Variants in ARFIP1 observed in about 807,000 individuals in gnomAD.
ARFIP1 encodes arfaptin-1.
In ARFIP1, 24 loss-of-function variants were observed where a neutral mutation model predicts 42.5. The ratio of observed to expected loss-of-function variants is 0.57; its 90% CI spans 0.41 to 0.80. ARFIP1 has a LOEUF of 0.80. Ranked by LOEUF, ARFIP1 falls within the 30% of genes least tolerant of loss-of-function variation. ARFIP1 has a pLI of 0.00. For missense variants in ARFIP1, 354 were observed against 434.0 expected (o/e 0.82, Z 1.64); for synonymous variants, 141 against 153.7 (o/e 0.92, Z 0.61).
intron 8 of ARFIP1, among the ~76,000 whole-genome samples, chr4:152,908,684 T>C (rs1738575331): frequency 6.6e-6 from 1 of 152,170 alleles, no homozygotes; most frequent in East Asian, 1.9e-4. Context: ...TTATGGGTTT[T>C]ATAAGCCTTA....
intron 1 of ARFIP1, among the ~76,000 whole-genome samples, chr4:152,785,147 C>T (rs1214335096): frequency 1.3e-5 from 2 of 152,124 alleles, no homozygotes; most frequent in African/African-American, 2.4e-5. Flanking sequence ...ACAATTTCAG[C>T]ACATCTGTAA....
chr4:152,873,646 T>C (rs1735078765), intron 5 of ARFIP1, among the ~76,000 whole-genome samples: 1 of 152,212 alleles, frequency 6.6e-6, no homozygotes, highest in African/African-American at 2.4e-5. Flanking sequence ...CTATGCATTC[T>C]GCCTTCTTAA....
At chr4:152,804,481 A>G (rs935664422) in intron 1 of ARFIP1, among the ~76,000 whole-genome samples, 2 of 104,802 alleles carry the variant, frequency 1.9e-5, no homozygotes, top group Non-Finnish European at 3.8e-5. Context: ...TATATAATAT[A>G]TATTATTTAT....
At chr4:152,804,422 TTA>T (rs1367506627) in intron 1 of ARFIP1, among the ~76,000 whole-genome samples, 1 of 107,438 alleles carries the variant, frequency 9.3e-6, no homozygotes. Flanking sequence ...GTATTATATA[TTA>T]TATATAATAT....
chr4:152,833,477 A>G (rs62319899), intron 2 of ARFIP1, among the ~76,000 whole-genome samples: 57,785 of 152,058 alleles, frequency 0.38, 12,049 homozygotes, highest in Admixed American at 0.5. Context: ...AAATTAAAGT[A>G]GAACGACCAT....
intron 8 of ARFIP1, among the ~76,000 whole-genome samples, chr4:152,895,660 A>G (rs927662123): frequency 2.0e-5 from 3 of 148,456 alleles, no homozygotes; most frequent in African/African-American, 7.5e-5. Context: ...TCCCAGGCTC[A>G]AGCACTCCTC....
At chr4:152,866,901 C>T (rs1036399711) in intron 3 of ARFIP1, among the ~76,000 whole-genome samples, 3 of 151,526 alleles carry the variant, frequency 2.0e-5, no homozygotes, top group South Asian at 2.1e-4. Context: ...AGATGATGGG[C>T]GGCCGGGCAG....
Position 152,863,694 on chromosome 4 carries a change from T to C in ARFIP1, c.182T>C (p.Ile61Thr), listed in dbSNP as rs371942166. ...TTTGACAATACCAAAGAGGGTGTTATTGAAGCAGGAGCATTTCAAGGTAAG... is the reference window on the plus strand; with the variant it reads ...TTTGACAATACCAAAGAGGGTGTTACTGAAGCAGGAGCATTTCAAGGTAAG... ...HGFDNTKEGVIEAGAFQGSPA... is the reference protein window; with the variant it reads ...HGFDNTKEGVTEAGAFQGSPA... Residue 61 changes from isoleucine (I) to threonine (T), a missense_variant, in exon 3 of 9, where the codon ATT (isoleucine) becomes ACT (threonine). Transcript: ENST00000353617. The C allele has an allele frequency of 5.7e-5, 91 of 1,608,198 alleles. No homozygotes were observed. The highest frequency in any genetic ancestry group is 6.8e-5 in the Non-Finnish European group (80 of 1,175,186).
intron 5 of ARFIP1, among the ~76,000 whole-genome samples, chr4:152,877,923 A>G (rs1735504877): frequency 6.6e-6 from 1 of 152,088 alleles, no homozygotes; most frequent in Non-Finnish European, 1.5e-5. Context: ...GCCATGTGGA[A>G]CTCTAAGTCC....
chr4:152,844,853 G>GA (rs1424012335), intron 2 of ARFIP1, among the ~76,000 whole-genome samples: 2 of 152,068 alleles, frequency 1.3e-5, no homozygotes, highest in East Asian at 3.9e-4. Context: ...CACAGAACTA[G>GA]AAAAAACTAT....
At chr4:152,853,161 CCTTT>C (rs1733134775) in intron 2 of ARFIP1, among the ~76,000 whole-genome samples, 1 of 152,034 alleles carries the variant, frequency 6.6e-6, no homozygotes, top group African/African-American at 2.4e-5. Context: ...AATCTTTGTT[CCTTT>C]CTTTTTGCCT....
At chr4:152,814,037 A>G (rs562880338) in intron 1 of ARFIP1, among the ~76,000 whole-genome samples, 1 of 151,630 alleles carries the variant, frequency 6.6e-6, no homozygotes, top group Non-Finnish European at 1.5e-5. Flanking sequence ...TATTCGATAT[A>G]GAATTCTAGG....
intron 1 of ARFIP1, among the ~76,000 whole-genome samples, chr4:152,814,099 T>TC (rs200942897): frequency 9.9e-3 from 61 of 6,186 alleles, no homozygotes; most frequent in Non-Finnish European, 0.013. Flanking sequence ...TTCTTCTTCT[T>TC]TTTTTTTTTT....
At chr4:152,879,587 T>C (rs1286241511) in intron 5 of ARFIP1, among the ~76,000 whole-genome samples, 2 of 152,186 alleles carry the variant, frequency 1.3e-5, no homozygotes, top group East Asian at 3.8e-4. Flanking sequence ...CGGTGGCTTA[T>C]GCCTGTAATC....
intron 2 of ARFIP1, among the ~76,000 whole-genome samples, chr4:152,858,591 A>C (rs932225430): frequency 3.2e-4 from 48 of 152,214 alleles, no homozygotes; most frequent in African/African-American, 1.0e-3. Flanking sequence ...CTTAATCTAC[A>C]TGGCATTGAA....
At chr4:152,792,887 AT>A (rs1731218748) in intron 1 of ARFIP1, among the ~76,000 whole-genome samples, 1 of 152,168 alleles carries the variant, frequency 6.6e-6, no homozygotes, top group Admixed American at 6.5e-5. Flanking sequence ...GAGGTGACAA[AT>A]TCTAATTAAT....
At chr4:152,848,505 T>C (rs1396724189) in intron 2 of ARFIP1, among the ~76,000 whole-genome samples, 2 of 152,216 alleles carry the variant, frequency 1.3e-5, no homozygotes, top group Non-Finnish European at 2.9e-5. Context: ...GTTTTATTTT[T>C]AATGATTTTG....
rs368661898 is a variant in ARFIP1 at position 152,888,315 on chromosome 4, C to A, written c.966+8C>A. On this transcript the variant is annotated splice_region_variant and intron_variant, in intron 8 of 8. Transcript: ENST00000353617. ...TTTCTAGAAGAAAATAAGGTAAATTCTTTACCTTCTAAGGTCTTTCTGTGG... is the reference window on the plus strand; with the variant it reads ...TTTCTAGAAGAAAATAAGGTAAATTATTTACCTTCTAAGGTCTTTCTGTGG... 1.9e-6 allele frequency: 3 copies of A among 1,573,054 alleles called. No homozygotes were observed. The African/African-American group carries it at 4.1e-5, about 21-fold the overall frequency.
rs1736848962 is a variant in ARFIP1 at position 152,891,513 on chromosome 4, A to G, written c.966+3206A>G. On this transcript the variant is annotated intron_variant, in intron 8 of 8. Transcript: ENST00000353617. The stretch of plus-strand genomic sequence containing the variant: ...TTTACTCTTTTTTGTTTCTTTTAAT[A>G]GCTTTAAAAAGGAAGGAAAAGCAGG... Among the ~76,000 whole-genome samples, 3 of 152,166 alleles carry G rather than the reference A, an allele frequency of 2.0e-5. No individual in the cohort carries two copies. In the South Asian group the frequency reaches 6.2e-4, roughly 32 times the overall value.
Sources: allele counts gnomAD v4.1 joint callset (sites outside exome capture counted in the v4.1 genomes callset), GRCh38; gene constraint gnomAD v4.1.1; transcripts MANE v1.5; gene names NCBI Gene and HGNC (gene_info 2026-07-23, HGNC 2026-07-21).